Variants in SP9 observed in about 807,000 individuals in gnomAD.
SP9 encodes the protein Sp9 transcription factor.
SP9 carries 5 observed loss-of-function variants against 23.0 expected under a neutral mutation model. The ratio of observed to expected loss-of-function variants is 0.22; its 90% CI spans 0.11 to 0.46. The LOEUF is 0.46. Ranked by LOEUF, SP9 falls within the 20% of genes least tolerant of loss-of-function variation. The probability of loss-of-function intolerance (pLI) is 0.99; values close to 1 mark genes in which losing one functional copy is unlikely to be tolerated. For missense variants in SP9, 542 were observed against 724.0 expected, an observed-to-expected ratio of 0.75 and a Z score of 2.88; for synonymous variants, 360 against 356.5, an observed-to-expected ratio of 1.01 and a Z score of -0.11.
chr2:174,336,072 CCTT>C, intron 1 of SP9, 32 bp from the exon 2 acceptor site: 6 of 1,539,918 alleles, frequency 3.9e-6, no homozygotes, highest in Non-Finnish European at 5.3e-6. Flanking sequence ...TTGCCCTCCT[CCTT>C]CTTGCTCCCT....
In SP9 at chr2:174,336,787, C is replaced by T. The variant is rs999221639; in HGVS notation, c.702C>T (p.Ser234=). ...CGCTCACGCACTCCGCCTTCAGCTCCACGGGCCTCGGCTCCTCCGCCGCCG... is the reference window on the plus strand; with the variant it reads ...CGCTCACGCACTCCGCCTTCAGCTCTACGGGCCTCGGCTCCTCCGCCGCCG... ...FSSLTHSAFS[S]TGLGSSAAAA... is the part of the protein sequence containing the mutation. The change falls in exon 2 of 2, where the codon TCC becomes TCT. Residue 234 remains serine, a synonymous_variant. Transcript: ENST00000394967. 1.1e-5 allele frequency: 17 copies of T among 1,531,590 alleles called. No homozygotes were observed. In the African/African-American group the frequency reaches 2.1e-4, roughly 19 times the overall value. 94.9% of individuals were successfully genotyped at this position (1,531,590 alleles called of 1,614,324 possible). A position where few individuals can be genotyped will look rare whatever the true frequency, so the allele number is the denominator to read the frequency against.
Position 174,337,989 on chromosome 2 carries a change from A to C in SP9, c.*449A>C, listed in dbSNP as rs1249653901. On this transcript the variant is annotated 3_prime_UTR_variant, in exon 2 of 2. Transcript: ENST00000394967. Reference sequence around the variant, plus strand: ...ACACCCGTCTCTTTCCTTTTCTCAAAAACAAGCCACCACCCAGCAAAGGAC... The same window carrying C: ...ACACCCGTCTCTTTCCTTTTCTCAACAACAAGCCACCACCCAGCAAAGGAC... 2 of 152,276 alleles carry C rather than the reference A, an allele frequency of 1.3e-5. No homozygotes were observed. Among genetic ancestry groups the C allele is most frequent in the African/African-American group, 4.8e-5 (2 of 41,446 alleles). The allele number at this position is 152,276 out of a possible 1,614,324, so 9.4% of individuals were successfully genotyped here.
rs897926700 is a variant in SP9, at chr2:174,336,749, C to G, written c.664C>G (p.Pro222Ala). Residue 222 changes from proline to alanine, a missense_variant, in exon 2 of 2, where the codon CCC (proline) becomes GCC (alanine). Physicochemically the swap from Pro to Ala is conservative, Grantham distance 27. This residue lies in a region of SP9 where 144 missense variants were observed against 158.7 expected (regional missense o/e 0.91). Coordinates refer to ENST00000394967, the MANE Select transcript of SP9 (RefSeq NM_001145250.2). ...GCACTCGCAGCTGGGCACCTACAAC[C>G]CCGACTTCAGCTCGCTCACGCACTC... ...SLHSQLGTYN[P>A]DFSSLTHSAF... 11 of 1,533,150 alleles carry G rather than the reference C, an allele frequency of 7.2e-6. No individual in the cohort carries two copies. Among genetic ancestry groups the G allele is most frequent in the African/African-American group, 6.9e-5 (5 of 72,396 alleles). The allele number at this position is 1,533,150 out of a possible 1,614,324, so 95.0% of individuals were successfully genotyped here.
chr2:174,335,373 C>T (rs1684389227), intron 1 of SP9: 1 of 512,762 alleles, frequency 2.0e-6, no homozygotes, highest in East Asian at 3.0e-5. Context: ...TTTTCTTCCC[C>T]TCGTGATTTA....
chr2:174,334,994 C>G lies in SP9; in HGVS notation c.-99C>G, dbSNP rs1256494407. 5 of 1,401,256 alleles carry G rather than the reference C, an allele frequency of 3.6e-6. No individual in the cohort carries two copies. The South Asian group carries it at 6.2e-5, about 17-fold the overall frequency. The allele number at this position is 1,401,256 out of a possible 1,614,324, so 86.8% of individuals were successfully genotyped here. ...GAGCCTGGAGTCCGCTCGGCACGAG[C>G]GCGGGGACGCGGGAGCCGCGCGGGA... On this transcript the variant is annotated 5_prime_UTR_variant, in exon 1 of 2. Transcript: ENST00000394967.
Position 174,337,265 on chromosome 2 carries a change from T to G in SP9, c.1180T>G (p.Cys394Gly). Residue 394 changes from cysteine (C) to glycine (G), a missense_variant, in exon 2 of 2, where the codon TGT becomes GGT. Physicochemically the swap from Cys to Gly is radical, Grantham distance 159 (BLOSUM62 -3). Around this residue, in one of 8 missense-constraint regions of SP9, gnomAD observed 31 missense variants for 16.7 expected, o/e 1.85. Transcript: ENST00000394967. ...TCACACGGGCGAGAAGCGCTTCGCC[T>G]GTCCGGTGTGCAACAAGCGCTTCAT... Reference protein sequence around the residue: ...RTHTGEKRFACPVCNKRFMRS... With the variant: ...RTHTGEKRFAGPVCNKRFMRS... 6.4e-7 allele frequency: 1 copy of G among 1,564,046 alleles called. No homozygotes were observed. Among genetic ancestry groups the G allele is most frequent in the Non-Finnish European group, 8.7e-7 (1 of 1,154,472 alleles).
rs1323363482 is a variant in SP9 at position 174,337,090 on chromosome 2, C to T, written c.1005C>T (p.His335=). Residue 335 remains histidine, a synonymous_variant, in exon 2 of 2, where the codon CAC becomes CAT. Transcript: ENST00000394967. ...SLRRKGLHSC[H]IPGCGKVYGK... ...GGCGCAAGGGCCTGCACAGCTGCCA[C>T]ATTCCGGGCTGCGGCAAGGTGTACG... 1 of 1,593,224 alleles carries T rather than the reference C, an allele frequency of 6.3e-7. No homozygotes were observed. Among genetic ancestry groups the T allele is most frequent in the Non-Finnish European group, 8.5e-7 (1 of 1,172,520 alleles).
Position 174,334,972 on chromosome 2 carries a change from C to T in SP9, c.-121C>T. The T allele has an allele frequency of 1.7e-6, 2 of 1,184,836 alleles. No individual in the cohort carries two copies. Among genetic ancestry groups the T allele is most frequent in the Non-Finnish European group, 1.2e-6 (1 of 825,320 alleles). 73.4% of individuals were successfully genotyped at this position (1,184,836 alleles called of 1,614,324 possible). ...TTAGGCTGAGTTTAGCCGGCGGGAG[C>T]CTGGAGTCCGCTCGGCACGAGCGCG... On this transcript the variant is annotated 5_prime_UTR_variant, in exon 1 of 2. Coordinates refer to ENST00000394967, the MANE Select transcript of SP9 (RefSeq NM_001145250.2).
At chr2:174,335,936 C>G (rs1261750034) in intron 1 of SP9, 171 bp from the exon 2 acceptor site, 1 of 620,968 alleles carries the variant, frequency 1.6e-6, no homozygotes, top group South Asian at 2.0e-5. Flanking sequence ...GCTCCGCGCC[C>G]GGTGCGGCGA....
At position 174,336,763 on chromosome 2, in the gene SP9, G is replaced by T; in HGVS notation, c.678G>T (p.Ser226=). The change falls in exon 2 of 2, where the codon TCG becomes TCT. Residue 226 remains serine, a synonymous_variant. Transcript: ENST00000394967. ...QLGTYNPDFS[S]LTHSAFSSTG... ...GCACCTACAACCCCGACTTCAGCTCGCTCACGCACTCCGCCTTCAGCTCCA... is the reference window on the plus strand; with the variant it reads ...GCACCTACAACCCCGACTTCAGCTCTCTCACGCACTCCGCCTTCAGCTCCA... 1 of 1,533,360 alleles carries T rather than the reference G, an allele frequency of 6.5e-7. No individual in the cohort carries two copies. Among genetic ancestry groups the T allele is most frequent in the Middle Eastern group, 1.7e-4 (1 of 5,970 alleles). The allele number at this position is 1,533,360 out of a possible 1,614,324, so 95.0% of individuals were successfully genotyped here.
chr2:174,336,430 C>T lies in SP9; in HGVS notation c.345C>T (p.Ala115=). The change falls in exon 2 of 2, where the codon GCC becomes GCT. Residue 115 remains alanine, a synonymous_variant. Transcript: ENST00000394967. Reference sequence around the variant, plus strand: ...GCCTCTTCTCCAACTCGGCGGCTGCCGCGGCGGCAGCGGCCGGGGTGTCCC... The same window carrying T: ...GCCTCTTCTCCAACTCGGCGGCTGCTGCGGCGGCAGCGGCCGGGGTGTCCC... ...YGGLFSNSAA[A]AAAAAGVSPQ... is the part of the protein sequence containing the mutation. The T allele has an allele frequency of 6.8e-7, 1 of 1,467,784 alleles. No individual in the cohort carries two copies. The highest frequency in any genetic ancestry group is 8.9e-7 in the Non-Finnish European group (1 of 1,119,102). 90.9% of individuals were successfully genotyped at this position (1,467,784 alleles called of 1,614,324 possible).
Position 174,337,645 on chromosome 2 carries a change from G to A in SP9, c.*105G>A, listed in dbSNP as rs987972972. On this transcript the variant is annotated 3_prime_UTR_variant, in exon 2 of 2. Transcript: ENST00000394967. ...GAGGCGGGAGGGCAGGGGCTTCAGTGACGCCCCCAGGGCCCGGGCTGGGCG... is the reference window on the plus strand; with the variant it reads ...GAGGCGGGAGGGCAGGGGCTTCAGTAACGCCCCCAGGGCCCGGGCTGGGCG... The A allele has an allele frequency of 9.6e-7, 1 of 1,044,430 alleles. No individual in the cohort carries two copies. Among genetic ancestry groups the A allele is most frequent in the Admixed American group, 5.5e-5 (1 of 18,172 alleles). The allele number at this position is 1,044,430 out of a possible 1,614,324, so 64.7% of individuals were successfully genotyped here. A position where few individuals can be genotyped will look rare whatever the true frequency, so the allele number is the denominator to read the frequency against.
chr2:174,335,992 G>A (rs1314559128), intron 1 of SP9, 115 bp from the exon 2 acceptor site: 2 of 978,502 alleles, frequency 2.0e-6, no homozygotes, highest in Admixed American at 2.9e-5. Context: ...GGGGAGCCAG[G>A]ACCCCCCGGG....
intron 1 of SP9, chr2:174,335,693 T>G (rs1008044513): frequency 1.6e-5 from 3 of 191,490 alleles, no homozygotes; most frequent in Non-Finnish European, 3.2e-5. Context: ...GGCAGCTGTT[T>G]CGGCCGCCTC....
At chr2:174,336,083 C>T (rs1226237928) in intron 1 of SP9, 24 bp from the exon 2 acceptor site, 1 of 1,544,386 alleles carries the variant, frequency 6.5e-7, no homozygotes, top group South Asian at 1.2e-5. Flanking sequence ...CTTCTTGCTC[C>T]CTCCCCCATC....
rs1477304668 is a variant in SP9 at position 174,336,514 on chromosome 2, C to A, written c.429C>A (p.Asp143Glu). 1 of 1,455,004 alleles carries A rather than the reference C, an allele frequency of 6.9e-7. No homozygotes were observed. The highest frequency in any genetic ancestry group is 2.9e-5 in the East Asian group (1 of 34,872). 90.1% of individuals were successfully genotyped at this position (1,455,004 alleles called of 1,614,324 possible). ...FISKVHTTAA[D>E]GLYPRVGMAH... ...CCAAGGTGCACACGACGGCAGCCGA[C>A]GGGCTGTACCCGCGCGTGGGCATGG... is the stretch of plus-strand genomic sequence containing the variant. Residue 143 changes from aspartate (D) to glutamate (E), a missense_variant, in exon 2 of 2, where the codon GAC becomes GAA. By Grantham distance (45) the Asp-to-Glu change is conservative. Around this residue, in one of 8 missense-constraint regions of SP9, gnomAD observed 201 missense variants for 226.3 expected, o/e 0.89. Transcript: ENST00000394967.
chr2:174,337,332 G>T lies in SP9; in HGVS notation c.1247G>T (p.Gly416Val). 3 of 1,551,030 alleles carry T rather than the reference G, an allele frequency of 1.9e-6. No individual in the cohort carries two copies. The highest frequency in any genetic ancestry group is 2.6e-6 in the Non-Finnish European group (3 of 1,146,938). Residue 416 changes from glycine to valine, a missense_variant, in exon 2 of 2, where the codon GGG becomes GTG. By Grantham distance (109) the Gly-to-Val change is moderately radical (BLOSUM62 -3). This residue lies in a region of SP9 where 35 missense variants were observed against 67.2 expected (regional missense o/e 0.52). Transcript: ENST00000394967. ...AGCAAACACATTAAGACGCACAACGGGGGCGGCGGGGGCAAAAAGGGCAGC... is the reference window on the plus strand; with the variant it reads ...AGCAAACACATTAAGACGCACAACGTGGGCGGCGGGGGCAAAAAGGGCAGC... Reference protein sequence around the residue: ...HLSKHIKTHNGGGGGKKGSDS... With the variant: ...HLSKHIKTHNVGGGGKKGSDS...
Position 174,336,131 on chromosome 2 carries a change from C to G in SP9, c.46C>G (p.Pro16Ala). Residue 16 changes from proline (P) to alanine (A), a missense_variant, in exon 2 of 2, where the codon CCG (proline) becomes GCG (alanine). Transcript: ENST00000394967. Reference sequence around the variant, plus strand: ...GGAAGAGCCGCGCTTCGGAACGACCCCGTTGGCCATGCTGGCGGCGACCTG... The same window carrying G: ...GGAAGAGCCGCGCTTCGGAACGACCGCGTTGGCCATGCTGGCGGCGACCTG... ...LGEEPRFGTTPLAMLAATCNK... is the reference protein window; with the variant it reads ...LGEEPRFGTTALAMLAATCNK... 5.2e-6 allele frequency: 8 copies of G among 1,551,164 alleles called. No homozygotes were observed. The highest frequency in any genetic ancestry group is 1.4e-5 in the African/African-American group (1 of 73,058).
At chr2:174,336,086 C>T in intron 1 of SP9, 21 bp from the exon 2 acceptor site, 1 of 1,536,842 alleles carries the variant, frequency 6.5e-7, no homozygotes, top group Non-Finnish European at 8.8e-7. Context: ...CTTGCTCCCT[C>T]CCCCATCCCA....
Sources: gnomAD v4.1 joint callset for allele counts on GRCh38, gnomAD v4.1.1 for gene constraint, gnomAD v4.1.1 regional missense constraint, MANE v1.5 for transcripts, NCBI Gene and HGNC (gene_info 2026-07-23, HGNC 2026-07-21) for gene names.